HNRNPH1: variants seen among roughly 807,000 people sequenced by gnomAD.
HNRNPH1 encodes the protein heterogeneous nuclear ribonucleoprotein H.
Under a neutral mutation model 58.6 loss-of-function variants are expected in HNRNPH1, and 4 were observed. The ratio of observed to expected loss-of-function variants is 0.07; its 90% CI spans 0.03 to 0.16. HNRNPH1 has a LOEUF of 0.16. Among genes scored for constraint, HNRNPH1 ranks in the 10% least tolerant of loss-of-function variants. The pLI is 1.00. For missense variants in HNRNPH1, 271 were observed against 564.2 expected, an observed-to-expected ratio of 0.48 and a Z score of 5.26; for synonymous variants, 192 against 189.2, an observed-to-expected ratio of 1.01 and a Z score of -0.12.
intron 10 of HNRNPH1, 96 bp from the exon 12 acceptor site, chr5:179,616,314 T>C: frequency 1.0e-6 from 1 of 984,092 alleles, no homozygotes; most frequent in Non-Finnish European, 1.6e-6. Context: ...TTTTCCAGTC[T>C]TGATCTTACA....
At chr5:179,626,705 G>C (rs1002103977), upstream of HNRNPH1, among the ~76,000 whole-genome samples, 1 of 148,496 alleles carries the variant, frequency 6.7e-6, no homozygotes, top group African/African-American at 2.5e-5. Flanking sequence ...AACAGAGCAG[G>C]ACTCTGTCTT....
chr5:179,623,358 ACCGTGGGGGCCCGGG>A, exon 1 of HNRNPH1: 1 of 368,986 alleles, frequency 2.7e-6, no homozygotes, highest in Non-Finnish European at 5.2e-6. Context: ...GGCGCCCCGA[ACCGTGGGGGCCCGGG>A]CCGAGAGCCA....
At chr5:179,633,724 G>A (rs2127746878) in intron 2 of HNRNPH1, among the ~76,000 whole-genome samples, 1 of 152,120 alleles carries the variant, frequency 6.6e-6, no homozygotes, top group East Asian at 1.9e-4. Context: ...AGACCAGCCT[G>A]GGCAACACGG....
At chr5:179,633,607 C>T (rs924581657) in intron 2 of HNRNPH1, among the ~76,000 whole-genome samples, 1 of 151,972 alleles carries the variant, frequency 6.6e-6, no homozygotes, top group Non-Finnish European at 1.5e-5. Context: ...CCACCGTGCC[C>T]TGCCTGTCCA....
exon 1 of HNRNPH1, chr5:179,623,857 T>C (rs1280358789): frequency 6.6e-6 from 1 of 152,272 alleles, no homozygotes; most frequent in East Asian, 1.9e-4. Flanking sequence ...CCCCCACCCA[T>C]AAACCCGCCG....
exon 13 of HNRNPH1, chr5:179,614,693 T>TAA: frequency 1.8e-6 from 1 of 563,690 alleles, no homozygotes; most frequent in South Asian, 2.3e-5. Flanking sequence ...TACTGGGCCT[T>TAA]AAGTCTTCAT....
At chr5:179,615,033 A>G in intron 12 of HNRNPH1, 74 bp from the exon 14 acceptor site, 1 of 909,210 alleles carries the variant, frequency 1.1e-6, no homozygotes, top group South Asian at 1.4e-5. Context: ...TATTCCAAGA[A>G]AAAGTTTAAA....
chr5:179,616,986 T>G (rs1770063599), intron 9 of HNRNPH1, 28 bp from the exon 11 acceptor site: 2 of 1,455,638 alleles, frequency 1.4e-6, no homozygotes, highest in African/African-American at 1.6e-5. Context: ...GCATACAAGG[T>G]TAGCTTAAAA....
intron 4 of HNRNPH1, chr5:179,619,034 A>C (rs1771092283): frequency 2.9e-6 from 1 of 341,568 alleles, no homozygotes; most frequent in South Asian, 6.2e-5. Flanking sequence ...AACTCTATTG[A>C]TTGGGGTTAA....
chr5:179,626,294 G>A (rs1241260830), upstream of HNRNPH1, among the ~76,000 whole-genome samples: 1 of 151,814 alleles, frequency 6.6e-6, no homozygotes, highest in East Asian at 2.0e-4. Context: ...TAGTTGAGAT[G>A]GGGTTTTGCC....
chr5:179,614,610 T>A lies in HNRNPH1; in HGVS notation c.*350A>T, dbSNP rs1223958789. 2.3e-5 allele frequency: 8 copies of A among 351,448 alleles called. No homozygotes were observed. The Admixed American group carries it at 3.3e-4, about 15-fold the overall frequency. 21.8% of individuals were successfully genotyped at this position (351,448 alleles called of 1,614,324 possible). ...ATCCTATAACTAACTTGAGAAAAGC[T>A]GGAACTTAAGTTTAACAGTTATAGT... On this transcript the variant is annotated 3_prime_UTR_variant, in exon 13 of 13. Coordinates refer to ENST00000356731, the Ensembl canonical transcript of HNRNPH1.
chr5:179,614,843 A>G (rs1427908023), exon 13 of HNRNPH1: 1 of 1,473,526 alleles, frequency 6.8e-7, no homozygotes, highest in African/African-American at 1.4e-5. Flanking sequence ...TCGATCAATT[A>G]CATTCCCCAT....
intron 2 of HNRNPH1, among the ~76,000 whole-genome samples, chr5:179,631,370 G>C (rs765214723): frequency 6.6e-6 from 1 of 152,132 alleles, no homozygotes; most frequent in Non-Finnish European, 1.5e-5. Context: ...TCAGTACTTT[G>C]GGAGGCCAAG....
At chr5:179,623,321 C>A in exon 1 of HNRNPH1, 1 of 456,634 alleles carries the variant, frequency 2.2e-6, no homozygotes, top group Non-Finnish European at 4.1e-6. Context: ...GACCGGACCC[C>A]CAAAGCTGTC....
Position 179,617,125 on chromosome 5 carries a change from A to G in HNRNPH1, c.1058-15T>C, listed in dbSNP as rs1242685331. 2 of 1,610,284 alleles carry G rather than the reference A, an allele frequency of 1.2e-6. No homozygotes were observed. The highest frequency in any genetic ancestry group is 1.7e-6 in the Non-Finnish European group (2 of 1,178,166). On this transcript the variant is annotated splice_polypyrimidine_tract_variant and intron_variant, in intron 8 of 12. Coordinates refer to ENST00000356731, the Ensembl canonical transcript of HNRNPH1. ...ATATCTGTGTTCTGAAATGAGAAAA[A>G]AAAAGTTTGAAAATGTTTGTTGGTG... is the stretch of plus-strand genomic sequence containing the variant.
At chr5:179,623,265 G>T (rs1047780738) in exon 1 of HNRNPH1, 2 of 550,130 alleles carry the variant, frequency 3.6e-6, no homozygotes, top group Non-Finnish European at 6.5e-6. Context: ...AGCAAAAACC[G>T]GGCGGATGCA....
chr5:179,620,535 A>G (rs1031317496), intron 3 of HNRNPH1: 23 of 196,018 alleles, frequency 1.2e-4, no homozygotes, highest in Non-Finnish European at 2.2e-4. Context: ...CATAATTTAC[A>G]ACAACCTAAT....
At chr5:179,621,728 C>CG (rs1772452565) in intron 1 of HNRNPH1, 1 of 387,952 alleles carries the variant, frequency 2.6e-6, no homozygotes, top group Admixed American at 3.9e-5. Context: ...TGTGACTTTA[C>CG]GGCAAACATA....
In HNRNPH1 at chr5:179,616,973, A is replaced by G; in HGVS notation, c.1118-15T>C. 6.4e-7 allele frequency: 1 copy of G among 1,568,676 alleles called. No homozygotes were observed. ...ATATCTGTGTTCTGAAATGAGAGAA[A>G]AGGCATACAAGGTTAGCTTAAAAAA... On this transcript the variant is annotated splice_polypyrimidine_tract_variant and intron_variant, in intron 9 of 12. Transcript: ENST00000356731.
Sources: allele counts gnomAD v4.1 joint callset (sites outside exome capture counted in the v4.1 genomes callset), GRCh38; gene constraint gnomAD v4.1.1; transcripts MANE v1.5; gene names NCBI Gene and HGNC (gene_info 2026-07-23, HGNC 2026-07-21).